AGAP1: variants seen among roughly 807,000 people sequenced by gnomAD.
The protein encoded by AGAP1 is ArfGAP with GTPase domain, ankyrin repeat and PH domain 1.
A neutral mutation model predicts 105.3 loss-of-function variants in AGAP1; 29 were observed. The observed-to-expected ratio is 0.28, with a 90% CI of 0.21 to 0.38. The LOEUF is 0.38. Among genes scored for constraint, AGAP1 ranks in the 10% least tolerant of loss-of-function variants. The pLI is 1.00. For missense variants in AGAP1, 998 were observed against 1,165.1 expected, an observed-to-expected ratio of 0.86 and a Z score of 2.09; for synonymous variants, 509 against 485.9, an observed-to-expected ratio of 1.05 and a Z score of -0.63.
At position 235,932,099 on chromosome 2, in the gene AGAP1, T is replaced by C. The variant is rs536333250; in HGVS notation, c.1483+1176T>C. ...CCCTGAAAACCCCAAACAAGGAGGT[T>C]TGAAGTTATGATAAATTAACCGTCT... On this transcript the variant is annotated intron_variant, in intron 12 of 17. Transcript: ENST00000304032. Among the ~76,000 whole-genome samples, 93 of 152,314 alleles carry C rather than the reference T, an allele frequency of 6.1e-4. 1 individual carries two copies. The South Asian group carries it at 0.019, about 31-fold the overall frequency.
rs1307398921 is a variant in AGAP1, at chr2:235,670,605, T to G, written c.164-38574T>G. 6 of 570,102 alleles carry G rather than the reference T, an allele frequency of 1.1e-5. No individual in the cohort carries two copies. In the African/African-American group the frequency reaches 1.2e-4, roughly 11 times the overall value. The allele number at this position is 570,102 out of a possible 1,614,324, so 35.3% of individuals were successfully genotyped here. On this transcript the variant is annotated intron_variant, in intron 1 of 17. Transcript: ENST00000304032. The stretch of plus-strand genomic sequence containing the variant: ...CCTGAGGCGCCGCAAGGCCGGACAC[T>G]GGGCGGCGGAAGGCGCCACAGCAGC...
At chr2:235,761,339 T>A (rs1485728643) in intron 6 of AGAP1, among the ~76,000 whole-genome samples, 2 of 152,222 alleles carry the variant, frequency 1.3e-5, no homozygotes, top group Non-Finnish European at 2.9e-5. Context: ...AATGCCTGAA[T>A]TAACTCTCAC....
In AGAP1 at chr2:235,960,331, C is replaced by G. The variant is rs530163128; in HGVS notation, c.1484-8131C>G. On this transcript the variant is annotated intron_variant, in intron 12 of 17. Coordinates refer to ENST00000304032, the MANE Select transcript of AGAP1 (RefSeq NM_001037131.3). The surrounding 1 kb of genome is among the most constrained non-coding windows in gnomAD (Gnocchi z 4.9). Reference sequence around the variant, plus strand: ...CAGTTGTTTTTATCCCATGACAACCCTGTGTCCTCTGAAAAGCTTGCCTCC... The same window carrying G: ...CAGTTGTTTTTATCCCATGACAACCGTGTGTCCTCTGAAAAGCTTGCCTCC... 8.4e-4 allele frequency among the ~76,000 whole-genome samples: 128 copies of G among 152,264 alleles called. No individual in the cohort carries two copies. The highest frequency in any genetic ancestry group is 2.8e-3 in the African/African-American group (118 of 41,540).
rs750465490 is a variant in AGAP1, at chr2:235,620,853, G to A, written c.164-88326G>A. 2.6e-5 allele frequency among the ~76,000 whole-genome samples: 4 copies of A among 152,194 alleles called. No homozygotes were observed. The highest frequency in any genetic ancestry group is 5.9e-5 in the Non-Finnish European group (4 of 68,038). On this transcript the variant is annotated intron_variant, in intron 1 of 17. Transcript: ENST00000304032. The surrounding 1 kb of genome is among the most constrained non-coding windows in gnomAD (Gnocchi z 4.5). ...TCTGGTTTCCTTCTAGTTGTGGGAA[G>A]TAATTCCTGAATTGCAGCCCTACAG...
At chr2:235,499,885 A>G (rs1941490340) in intron 1 of AGAP1, among the ~76,000 whole-genome samples, 1 of 152,142 alleles carries the variant, frequency 6.6e-6, no homozygotes, top group Non-Finnish European at 1.5e-5. Context: ...AAGGATGCCC[A>G]GGGGTTTGTT....
chr2:235,810,081 A>G (rs939603196), intron 9 of AGAP1, among the ~76,000 whole-genome samples: 3 of 152,236 alleles, frequency 2.0e-5, no homozygotes, highest in Admixed American at 6.5e-5. Flanking sequence ...AAAAGCCTTC[A>G]GAAAGCTTAG....
chr2:235,868,374 C>T (rs2049282075), intron 9 of AGAP1, among the ~76,000 whole-genome samples: 1 of 152,160 alleles, frequency 6.6e-6, no homozygotes, highest in Non-Finnish European at 1.5e-5. Context: ...CAGTCAGATG[C>T]ATGCACGGCC....
rs201410805 is a variant in AGAP1 at position 235,794,780 on chromosome 2, A to AT, written c.674-2971dup. Reference sequence around the variant, plus strand: ...AGCCACCGCGCCCAGCCGCTTCCAGATTTTTTTTAAGTAAATCCACGTGAT... The same window carrying AT: ...AGCCACCGCGCCCAGCCGCTTCCAGATTTTTTTTTAAGTAAATCCACGTGAT... On this transcript the variant is annotated intron_variant, in intron 6 of 17. Coordinates refer to ENST00000304032, the MANE Select transcript of AGAP1 (RefSeq NM_001037131.3). Among the ~76,000 whole-genome samples, 127 of 152,118 alleles carry AT rather than the reference A, an allele frequency of 8.3e-4. 2 individuals are homozygous for AT. The East Asian group carries it at 0.02, about 23-fold the overall frequency.
chr2:235,666,657 C>T (rs747658613), intron 1 of AGAP1, among the ~76,000 whole-genome samples: 2 of 150,390 alleles, frequency 1.3e-5, no homozygotes. Context: ...TCTTCTACTC[C>T]GCAGCCCGCA....
chr2:235,589,210 T>G (rs1480291419), intron 1 of AGAP1, among the ~76,000 whole-genome samples: 3 of 130,250 alleles, frequency 2.3e-5, no homozygotes, highest in East Asian at 2.8e-4. Flanking sequence ...TTTTTTTTTT[T>G]TTTTTTTTTT....
intron 5 of AGAP1, among the ~76,000 whole-genome samples, chr2:235,749,013 G>T (rs892232406): frequency 1.1e-4 from 17 of 152,150 alleles, no homozygotes; most frequent in African/African-American, 3.9e-4. Flanking sequence ...GTTGAGACCA[G>T]CCTGGCCAAC....
intron 1 of AGAP1, among the ~76,000 whole-genome samples, chr2:235,590,411 A>G (rs1214517380): frequency 6.6e-6 from 1 of 151,958 alleles, no homozygotes; most frequent in Non-Finnish European, 1.5e-5. Context: ...TGCACCTCCT[A>G]GGGATATGGA....
chr2:235,731,976 C>G (rs149920268), intron 3 of AGAP1, among the ~76,000 whole-genome samples: 48 of 152,314 alleles, frequency 3.2e-4, no homozygotes, highest in African/African-American at 1.1e-3. Context: ...GTGGCCTCAT[C>G]TTTTGTGCTG....
At chr2:235,802,956 A>ATGGTTG (rs1957601318) in intron 8 of AGAP1, among the ~76,000 whole-genome samples, 1 of 93,982 alleles carries the variant, frequency 1.1e-5, no homozygotes, top group Non-Finnish European at 2.1e-5. Context: ...GGTGGTGATG[A>ATGGTTG]TGGTTGTGAT....
Position 235,965,544 on chromosome 2 carries a change from C to T in AGAP1, c.1484-2918C>T, listed in dbSNP as rs753563758. ...GAGGTCTGCAGCGGTTTTGAGCAGA[C>T]CTGACCGAGCTCTGTGACTTCAGCA... is the stretch of plus-strand genomic sequence containing the variant. On this transcript the variant is annotated intron_variant, in intron 12 of 17. Coordinates refer to ENST00000304032, the MANE Select transcript of AGAP1 (RefSeq NM_001037131.3). The surrounding 1 kb of genome is among the most constrained non-coding windows in gnomAD (Gnocchi z 5.8). Among the ~76,000 whole-genome samples the T allele has an allele frequency of 1.3e-5, 2 of 152,144 alleles. No homozygotes were observed. The highest frequency in any genetic ancestry group is 2.9e-5 in the Non-Finnish European group (2 of 68,024).
chr2:235,937,198 G>C (rs1279090493), intron 12 of AGAP1, among the ~76,000 whole-genome samples: 1 of 152,154 alleles, frequency 6.6e-6, no homozygotes, highest in Non-Finnish European at 1.5e-5. Context: ...TCAAAGCTGG[G>C]CACTCCCTGC....
chr2:235,578,087 T>G lies in AGAP1; in HGVS notation c.163+83238T>G, dbSNP rs1230433885. Among the ~76,000 whole-genome samples the G allele has an allele frequency of 2.6e-5, 4 of 151,862 alleles. No individual in the cohort carries two copies. Among genetic ancestry groups the G allele is most frequent in the African/African-American group, 9.7e-5 (4 of 41,328 alleles). ...GCCTGCTGGTCTGAGGGTCCGAGCG[T>G]GATTGGGAGCAGAGACAAGAGTTCC... On this transcript the variant is annotated intron_variant, in intron 1 of 17. Coordinates refer to ENST00000304032, the MANE Select transcript of AGAP1 (RefSeq NM_001037131.3). This position sits in a 1 kb window ranked among gnomAD's most constrained non-coding sequence, Gnocchi z 4.9.
intron 16 of AGAP1, among the ~76,000 whole-genome samples, chr2:236,069,276 TATAC>T (rs2058435113): frequency 2.6e-5 from 4 of 152,306 alleles, no homozygotes; most frequent in Admixed American, 2.0e-4. Context: ...GCAATGTAAA[TATAC>T]ATACGTTATG....
At chr2:235,933,441 CA>C (rs2052824328) in intron 12 of AGAP1, among the ~76,000 whole-genome samples, 1 of 152,052 alleles carries the variant, frequency 6.6e-6, no homozygotes, top group Admixed American at 6.6e-5. Flanking sequence ...TGACATTTTA[CA>C]GAGCAAAGAT....
Sources: gnomAD v4.1 joint callset for allele counts (sites outside exome capture counted in the v4.1 genomes callset) on GRCh38, gnomAD v4.1.1 for gene constraint, Gnocchi (gnomAD v3.1) non-coding constraint, MANE v1.5 for transcripts, NCBI Gene and HGNC (gene_info 2026-07-23, HGNC 2026-07-21) for gene names.